The following DYNC1I1 variants were observed in gnomAD, a reference collection of about 807,000 sequenced individuals.
The protein encoded by DYNC1I1 is cytoplasmic dynein 1 intermediate chain 1.
Under a neutral mutation model 86.6 loss-of-function variants are expected in DYNC1I1, and 43 were observed. That is an observed-to-expected ratio of 0.50 (90% confidence interval 0.39 to 0.64). The LOEUF (loss-of-function observed/expected upper bound fraction) is 0.64, where lower values mean the gene tolerates loss of function less well. Ranked by LOEUF, DYNC1I1 falls within the 30% of genes least tolerant of loss-of-function variation. The pLI is 0.00. For missense variants in DYNC1I1, 604 were observed against 788.8 expected (o/e 0.77, Z 2.81); for synonymous variants, 262 against 283.7 (o/e 0.92, Z 0.77).
intron 14 of DYNC1I1, among the ~76,000 whole-genome samples, chr7:96,056,838 C>T (rs1014912539): frequency 6.6e-6 from 1 of 152,088 alleles, no homozygotes; most frequent in East Asian, 1.9e-4. Flanking sequence ...CACGAATGAG[C>T]TGCATATATG....
rs75651662 is a variant in DYNC1I1, at chr7:95,947,654, C to T, written c.491-29858C>T. ...AGTGAGGGGTGGGGCAGATTTCTTT[C>T]CATCCCTCCTCTAAACCCTGATATC... On this transcript the variant is annotated intron_variant, in intron 6 of 16. Coordinates refer to ENST00000447467, the MANE Select transcript of DYNC1I1 (RefSeq NM_001135556.2). 7.9e-3 allele frequency among the ~76,000 whole-genome samples: 1,201 copies of T among 152,214 alleles called. 17 individuals are homozygous for T. The highest frequency in any genetic ancestry group is 0.027 in the African/African-American group (1,128 of 41,514).
At chr7:95,948,167 G>A (rs772788534) in intron 6 of DYNC1I1, among the ~76,000 whole-genome samples, 4 of 152,110 alleles carry the variant, frequency 2.6e-5, no homozygotes, top group African/African-American at 9.7e-5. Context: ...GAAGTGTTTC[G>A]AGGGCGTTGG....
At chr7:95,940,087 G>A (rs1234200330) in intron 6 of DYNC1I1, among the ~76,000 whole-genome samples, 1 of 152,140 alleles carries the variant, frequency 6.6e-6, no homozygotes, top group African/African-American at 2.4e-5. Flanking sequence ...GAAATTCTGG[G>A]TTGAAAATTC....
intron 16 of DYNC1I1, among the ~76,000 whole-genome samples, chr7:96,091,557 ATT>A (rs1790848312): frequency 6.6e-6 from 1 of 152,196 alleles, no homozygotes; most frequent in African/African-American, 2.4e-5. Context: ...ATTATGCAAG[ATT>A]TTAAAAAAAG....
intron 6 of DYNC1I1, among the ~76,000 whole-genome samples, chr7:95,953,150 C>A (rs959404370): frequency 2.0e-5 from 3 of 149,760 alleles, no homozygotes; most frequent in Non-Finnish European, 4.4e-5. Flanking sequence ...ATAAAACAGA[C>A]AAGTGTCCCT....
At chr7:95,856,909 G>C (rs903144230) in intron 5 of DYNC1I1, among the ~76,000 whole-genome samples, 3 of 152,080 alleles carry the variant, frequency 2.0e-5, no homozygotes, top group African/African-American at 7.2e-5. Flanking sequence ...AATCCGGGGG[G>C]CAGAGGTTGC....
chr7:95,937,982 G>T (rs1792094136), intron 6 of DYNC1I1, among the ~76,000 whole-genome samples: 1 of 151,712 alleles, frequency 6.6e-6, no homozygotes, highest in Non-Finnish European at 1.5e-5. Context: ...CTAATTTATT[G>T]TACCCATCTC....
intron 1 of DYNC1I1, among the ~76,000 whole-genome samples, chr7:95,798,899 G>A (rs368552742): frequency 2.0e-5 from 3 of 152,146 alleles, no homozygotes; most frequent in Admixed American, 1.3e-4. Flanking sequence ...TGTTGGGTTC[G>A]AGAAAAGCTG....
chr7:95,775,406 A>T (rs1341868329), intron 1 of DYNC1I1, among the ~76,000 whole-genome samples: 1 of 152,232 alleles, frequency 6.6e-6, no homozygotes, highest in Non-Finnish European at 1.5e-5. Context: ...ACTCAACATC[A>T]TTTAATAAAT....
chr7:96,005,730 A>C (rs1794125689), intron 10 of DYNC1I1, among the ~76,000 whole-genome samples: 1 of 152,196 alleles, frequency 6.6e-6, no homozygotes, highest in Non-Finnish European at 1.5e-5. Context: ...TGAAATTGCC[A>C]CTGGAAGAAC....
intron 1 of DYNC1I1, among the ~76,000 whole-genome samples, chr7:95,785,173 A>G (rs1414381791): frequency 6.6e-6 from 1 of 152,194 alleles, no homozygotes; most frequent in Non-Finnish European, 1.5e-5. Context: ...CTGTAATCCC[A>G]GGCTGAGGCA....
chr7:95,795,949 T>G (rs1794425505), intron 1 of DYNC1I1, among the ~76,000 whole-genome samples: 1 of 151,176 alleles, frequency 6.6e-6, no homozygotes, highest in South Asian at 2.1e-4. Flanking sequence ...GATGATGGTT[T>G]GCAAACTCCT....
chr7:95,848,215 T>G (rs955256860), intron 5 of DYNC1I1, among the ~76,000 whole-genome samples: 16 of 151,886 alleles, frequency 1.1e-4, no homozygotes, highest in Admixed American at 5.2e-4. Context: ...GTTGTTTTTT[T>G]TTTTTTTTTT....
At chr7:95,960,207 A>G (rs1792829567) in intron 6 of DYNC1I1, among the ~76,000 whole-genome samples, 1 of 152,132 alleles carries the variant, frequency 6.6e-6, no homozygotes, top group African/African-American at 2.4e-5. Context: ...CCTGGGTTTA[A>G]GCTATTCAAC....
At chr7:95,873,235 C>T (rs1790220162) in intron 6 of DYNC1I1, among the ~76,000 whole-genome samples, 1 of 152,138 alleles carries the variant, frequency 6.6e-6, no homozygotes, top group African/African-American at 2.4e-5. Flanking sequence ...AAAGAGGCCA[C>T]ATTATTATTC....
At chr7:95,956,686 T>G (rs1262002305) in intron 6 of DYNC1I1, among the ~76,000 whole-genome samples, 1 of 152,222 alleles carries the variant, frequency 6.6e-6, no homozygotes, top group Admixed American at 6.5e-5. Context: ...TCCAGCTTCA[T>G]CCATGTCCCT....
Position 95,883,882 on chromosome 7 carries a change from A to C in DYNC1I1, c.490+13884A>C, listed in dbSNP as rs1790521433. On this transcript the variant is annotated intron_variant, in intron 6 of 16. Coordinates refer to ENST00000447467, the MANE Select transcript of DYNC1I1 (RefSeq NM_001135556.2). ...ATTATACATAAAGACGATTCTCAGC[A>C]TCAGTTTAAAACAAAGTCTTGGAAA... Among the ~76,000 whole-genome samples the C allele has an allele frequency of 2.0e-5, 3 of 151,680 alleles. No homozygotes were observed. In the South Asian group the frequency reaches 6.3e-4, roughly 32 times the overall value.
At chr7:95,913,864 C>T (rs560895063) in intron 6 of DYNC1I1, among the ~76,000 whole-genome samples, 72 of 152,292 alleles carry the variant, frequency 4.7e-4, no homozygotes, top group African/African-American at 1.7e-3. Flanking sequence ...AGAGTATTTG[C>T]ATGGAACACT....
intron 6 of DYNC1I1, among the ~76,000 whole-genome samples, chr7:95,940,667 C>G (rs1174907765): frequency 1.3e-5 from 2 of 152,204 alleles, no homozygotes; most frequent in Non-Finnish European, 1.5e-5. Context: ...TTAAGCACTT[C>G]TCTGTATTGG....
Sources: gnomAD v4.1 joint callset for allele counts (sites outside exome capture counted in the v4.1 genomes callset) on GRCh38, gnomAD v4.1.1 for gene constraint, MANE v1.5 for transcripts, NCBI Gene and HGNC (gene_info 2026-07-23, HGNC 2026-07-21) for gene names.